The following PABPC1 variants were observed in gnomAD, a reference collection of about 807,000 sequenced individuals.
The protein encoded by PABPC1 is poly(A) binding protein cytoplasmic 1.
Under a neutral mutation model 74.0 loss-of-function variants are expected in PABPC1, and 4 were observed. That is an observed-to-expected ratio of 0.05 (90% CI 0.03 to 0.12). The LOEUF (loss-of-function observed/expected upper bound fraction) is 0.12, where lower values mean the gene tolerates loss of function less well. Among genes scored for constraint, PABPC1 ranks in the 10% least tolerant of loss-of-function variants. The pLI, the probability that PABPC1 is intolerant of heterozygous loss-of-function variation, is 1.00. For synonymous variants in PABPC1, 227 were observed against 264.1 expected (o/e 0.86, Z 1.36); for missense variants, 271 against 821.1 (o/e 0.33, Z 8.19).
chr8:100,704,119 G>A (rs79077472), intron 14 of PABPC1, 178 bp downstream of exon 14: 9,741 of 507,026 alleles, frequency 0.019, 772 homozygotes, highest in African/African-American at 0.17. Flanking sequence ...AACAGTTAAC[G>A]GGTAAAATTC....
chr8:100,706,341 G>C (rs887502154), intron 11 of PABPC1, among the ~76,000 whole-genome samples: 4 of 152,134 alleles, frequency 2.6e-5, no homozygotes, highest in African/African-American at 9.7e-5. Context: ...ACAGAGTCTT[G>C]CTGTCACCCA....
Position 100,721,564 on chromosome 8 carries a change from C to T in PABPC1, c.20G>A (p.Ser7Asn). The change falls in exon 1 of 15, where the codon AGC (serine) becomes AAC (asparagine). Residue 7 changes from serine to asparagine, a missense_variant. Ser to Asn is a conservative substitution (Grantham distance 46). Transcript: ENST00000318607. This position sits in a 1 kb window ranked among gnomAD's most constrained non-coding sequence, Gnocchi z 7.4. Reference sequence around the variant, plus strand: ...CACGTAGAGCGAGGCCATGGGGTAGCTGGGGGCACTGGGGTTCATCTCGGC... The same window carrying T: ...CACGTAGAGCGAGGCCATGGGGTAGTTGGGGGCACTGGGGTTCATCTCGGC... Reference protein sequence around the residue: MNPSAPSYPMASLYVGD... With the variant: MNPSAPNYPMASLYVGD... 1.9e-6 allele frequency: 3 copies of T among 1,590,796 alleles called. No homozygotes were observed. The highest frequency in any genetic ancestry group is 1.7e-6 in the Non-Finnish European group (2 of 1,165,464).
intron 13 of PABPC1, 90 bp from the exon 14 acceptor site, chr8:100,704,480 T>C: frequency 1.8e-6 from 2 of 1,090,640 alleles, no homozygotes; most frequent in Non-Finnish European, 2.8e-6. Context: ...CCAACAAAGA[T>C]AAGTTTCTTC....
chr8:100,713,762 C>G (rs1278754395), intron 4 of PABPC1, among the ~76,000 whole-genome samples: 3 of 152,190 alleles, frequency 2.0e-5, no homozygotes, highest in African/African-American at 7.2e-5. Context: ...GCTAGGGTTA[C>G]AGGCATGAGC....
Position 100,705,010 on chromosome 8 carries a change from A to G in PABPC1, c.1734T>C (p.Ala578=), listed in dbSNP as rs1300662617. Residue 578 remains alanine, a synonymous_variant, in exon 13 of 15, where the codon GCT becomes GCC. Coordinates refer to ENST00000318607, the MANE Select transcript of PABPC1 (RefSeq NM_002568.4). ...PLIQAMHPTL[A]GKITGMLLEI... is the part of the protein sequence containing the mutation. ...CCAACAACATGCCAGTGATTTTACC[A>G]GCAAGAGTAGGGTGCATGGCTTGAA... is the stretch of plus-strand genomic sequence containing the variant. 1 of 1,614,032 alleles carries G rather than the reference A, an allele frequency of 6.2e-7. No homozygotes were observed. Among genetic ancestry groups the G allele is most frequent in the Non-Finnish European group, 8.5e-7 (1 of 1,179,968 alleles).
intron 7 of PABPC1, among the ~76,000 whole-genome samples, chr8:100,711,719 G>A (rs1485942194): frequency 2.0e-5 from 3 of 152,136 alleles, no homozygotes; most frequent in Non-Finnish European, 4.4e-5. Flanking sequence ...AAGCTTCCTC[G>A]GACTTGCCAG....
rs1438863595 is a variant in PABPC1 at position 100,703,030 on chromosome 8, G to C, written c.*331C>G. The stretch of plus-strand genomic sequence containing the variant: ...AACTGACATTCTGAGCTATTCCACA[G>C]TAAAGAATTACAAAATTAAAGAAAG... On this transcript the variant is annotated 3_prime_UTR_variant, in exon 15 of 15. Coordinates refer to ENST00000318607, the MANE Select transcript of PABPC1 (RefSeq NM_002568.4). 1.3e-5 allele frequency: 2 copies of C among 151,208 alleles called. No homozygotes were observed. The highest frequency in any genetic ancestry group is 2.2e-4 in the South Asian group (1 of 4,622). The allele number at this position is 151,208 out of a possible 1,614,324, so 9.4% of individuals were successfully genotyped here.
At chr8:100,717,472 A>T (rs73700215) in intron 3 of PABPC1, among the ~76,000 whole-genome samples, 7,580 of 152,258 alleles carry the variant, frequency 0.05, 622 homozygotes, top group African/African-American at 0.17. Flanking sequence ...TGAAAAAGCT[A>T]CATTTTTCTG....
chr8:100,712,316 T>A (rs1290757640), intron 7 of PABPC1, 46 bp downstream of exon 7: 1 of 1,138,140 alleles, frequency 8.8e-7, no homozygotes, highest in Non-Finnish European at 1.3e-6. Context: ...TCTACATGTA[T>A]GAATTTTTAC....
Position 100,704,389 on chromosome 8 carries a change from A to G in PABPC1, c.1820T>C (p.Val607Ala). 1 of 1,613,446 alleles carries G rather than the reference A, an allele frequency of 6.2e-7. No individual in the cohort carries two copies. The highest frequency in any genetic ancestry group is 8.5e-7 in the Non-Finnish European group (1 of 1,179,404). The change falls in exon 14 of 15, where the codon GTT (valine) becomes GCT (alanine). Residue 607 changes from valine (V) to alanine (A), a missense_variant and splice_region_variant. Around this residue, in one of 7 missense-constraint regions of PABPC1, gnomAD observed 23 missense variants for 48.1 expected, o/e 0.48. Coordinates refer to ENST00000318607, the MANE Select transcript of PABPC1 (RefSeq NM_002568.4). Reference sequence around the variant, plus strand: ...TTGTAGTACAGCTACAGCTTCATCAACCTAAAAAAGGGGAAAACAGATAAA... The same window carrying G: ...TTGTAGTACAGCTACAGCTTCATCAGCCTAAAAAAGGGGAAAACAGATAAA... ...LESPESLRSK[V>A]DEAVAVLQAH... is the part of the protein sequence containing the mutation.
chr8:100,707,834 T>C (rs1786320), intron 9 of PABPC1, among the ~76,000 whole-genome samples: 90,393 of 152,152 alleles, frequency 0.59, 29,464 homozygotes, highest in African/African-American at 0.89. Flanking sequence ...CTTACGCTAC[T>C]GCTAGACCTC....
chr8:100,720,720 C>G (rs1019147863), intron 1 of PABPC1, among the ~76,000 whole-genome samples: 1 of 152,220 alleles, frequency 6.6e-6, no homozygotes, highest in Non-Finnish European at 1.5e-5. Context: ...AATGCTTGAT[C>G]TAGGGGAAAC....
At chr8:100,705,142 A>G in intron 12 of PABPC1, 86 bp from the exon 13 acceptor site, 1 of 1,066,438 alleles carries the variant, frequency 9.4e-7, no homozygotes, top group East Asian at 2.4e-5. Flanking sequence ...GGGGTTTAAG[A>G]ACCATACTTC....
intron 7 of PABPC1, among the ~76,000 whole-genome samples, chr8:100,710,554 C>T (rs1027771358): frequency 6.6e-6 from 1 of 152,134 alleles, no homozygotes; most frequent in Non-Finnish European, 1.5e-5. Context: ...ATTCACATTA[C>T]ATTGAAAAAT....
intron 11 of PABPC1, among the ~76,000 whole-genome samples, chr8:100,705,988 C>T (rs1469662966): frequency 6.6e-6 from 1 of 152,092 alleles, no homozygotes; most frequent in Non-Finnish European, 1.5e-5. Context: ...GCTGGGATTA[C>T]AGGCATGTGC....
At chr8:100,712,570 A>G in intron 6 of PABPC1, 82 bp downstream of exon 6, 2 of 1,536,326 alleles carry the variant, frequency 1.3e-6, no homozygotes, top group South Asian at 1.2e-5. Context: ...CAAACCCTCC[A>G]GCTACCTGGA....
At chr8:100,705,255 C>CT (rs1810350645) in intron 12 of PABPC1, among the ~76,000 whole-genome samples, 199 bp from the exon 13 acceptor site, 1 of 152,248 alleles carries the variant, frequency 6.6e-6, no homozygotes, top group African/African-American at 2.4e-5. Context: ...ATATTATCAG[C>CT]TTGCCAATTA....
intron 1 of PABPC1, among the ~76,000 whole-genome samples, chr8:100,720,668 G>GCCACATCCCCTCCTC (rs1343367310): frequency 5.3e-5 from 8 of 152,342 alleles, no homozygotes; most frequent in Non-Finnish European, 1.2e-4. Flanking sequence ...GTGGTCGGCT[G>GCCACATCCCCTCCTC]CCACATCCCC....
At position 100,705,672 on chromosome 8, in the gene PABPC1, G is replaced by A. The variant is rs1810360010; in HGVS notation, c.1604C>T (p.Pro535Leu). 1 of 1,607,948 alleles carries A rather than the reference G, an allele frequency of 6.2e-7. No homozygotes were observed. Among genetic ancestry groups the A allele is most frequent in the South Asian group, 1.1e-5 (1 of 90,858 alleles). ...NAQPQVTMQQ[P>L]AVHVQGQEPL... ...TTCCTGACCTTGTACATGAACAGCA[G>A]GCTAGACAGAAAATGAGAACTCTTA... The change falls in exon 12 of 15, where the codon CCT becomes CTT. Residue 535 changes from proline to leucine, a missense_variant and splice_region_variant. By Grantham distance (98) the Pro-to-Leu change is moderately conservative. Around this residue, in one of 7 missense-constraint regions of PABPC1, gnomAD observed 103 missense variants for 245.3 expected, o/e 0.42. Coordinates refer to ENST00000318607, the MANE Select transcript of PABPC1 (RefSeq NM_002568.4).
Sources: allele counts gnomAD v4.1 joint callset (sites outside exome capture counted in the v4.1 genomes callset), GRCh38; gene constraint gnomAD v4.1.1; regional missense constraint gnomAD v4.1.1; non-coding constraint Gnocchi (gnomAD v3.1); transcripts MANE v1.5; gene names NCBI Gene and HGNC (gene_info 2026-07-23, HGNC 2026-07-21).